Variants in CORO2A observed in about 807,000 individuals in gnomAD.
The protein encoded by CORO2A is coronin 2A.
In CORO2A, 47 loss-of-function variants were observed where a neutral mutation model predicts 62.4. That is an observed-to-expected ratio of 0.75 (90% CI 0.60 to 0.96). The LOEUF is 0.96. Ranked by LOEUF, CORO2A falls within the 40% of genes least tolerant of loss-of-function variation. The pLI is 0.00. For missense variants in CORO2A, 610 were observed against 684.1 expected (o/e 0.89, Z 1.21); for synonymous variants, 273 against 268.9 (o/e 1.02, Z -0.15).
At chr9:98,141,349 C>CT (rs138734683) in intron 2 of CORO2A, among the ~76,000 whole-genome samples, 1,105 of 103,790 alleles carry the variant, frequency 0.011, 7 homozygotes, top group African/African-American at 0.022. Context: ...ACCACTGACC[C>CT]TTTTTTTTTT....
chr9:98,131,668 C>G (rs1041039538), intron 6 of CORO2A, among the ~76,000 whole-genome samples: 1 of 152,114 alleles, frequency 6.6e-6, no homozygotes, highest in Non-Finnish European at 1.5e-5. Context: ...CTTCCCCTAC[C>G]TGTTTTTTAA....
Position 98,132,241 on chromosome 9 carries a change from G to T in CORO2A, c.709C>A (p.Leu237Met). ...KVLFLGNLKKLMSTGTSRWNN... is the reference protein window; with the variant it reads ...KVLFLGNLKKMMSTGTSRWNN... ...CATCGGGATGTGCCTGTGGACATCA[G>T]CTTCTTCAGGTTCCCCAGAAACAGC... is the stretch of plus-strand genomic sequence containing the variant. Residue 237 changes from leucine to methionine, a missense_variant, in exon 6 of 12, where the codon CTG becomes ATG. Physicochemically the swap from Leu to Met is conservative, Grantham distance 15. Transcript: ENST00000375077. 6.2e-7 allele frequency: 1 copy of T among 1,614,180 alleles called. No individual in the cohort carries two copies. The highest frequency in any genetic ancestry group is 8.5e-7 in the Non-Finnish European group (1 of 1,180,030).
intron 2 of CORO2A, among the ~76,000 whole-genome samples, chr9:98,152,690 A>G (rs1315248615): frequency 6.6e-6 from 1 of 152,230 alleles, no homozygotes; most frequent in Admixed American, 6.5e-5. Flanking sequence ...CATGTGTCCC[A>G]TGATGTAATG....
intron 1 of CORO2A, among the ~76,000 whole-genome samples, chr9:98,158,741 G>A (rs1827840244): frequency 6.6e-6 from 1 of 152,096 alleles, no homozygotes; most frequent in South Asian, 2.1e-4. Context: ...GCAGGATGAG[G>A]GAGAGCTGGG....
At chr9:98,128,288 G>A (rs150107665) in intron 9 of CORO2A, 28 bp from the exon 10 acceptor site, 385 of 1,574,198 alleles carry the variant, frequency 2.4e-4, no homozygotes, top group Non-Finnish European at 3.1e-4. Context: ...ACAGTGAGGA[G>A]GGTGGTAGGG....
chr9:98,126,355 C>T (rs1213755401), intron 11 of CORO2A, among the ~76,000 whole-genome samples, 194 bp downstream of exon 11: 2 of 152,018 alleles, frequency 1.3e-5, no homozygotes, highest in East Asian at 3.9e-4. Context: ...TTATGTATGC[C>T]CATCATTTTG....
chr9:98,192,481 C>CCGGCGGGG (rs11281388), intron 1 of CORO2A, 78 bp downstream of exon 1: 4 of 152,114 alleles, frequency 2.6e-5, no homozygotes, highest in African/African-American at 4.8e-5. Flanking sequence ...GGAGCTGCAG[C>CCGGCGGGG]CGCAGCGCGC....
At chr9:98,184,939 G>A (rs559878595) in intron 1 of CORO2A, among the ~76,000 whole-genome samples, 2 of 152,124 alleles carry the variant, frequency 1.3e-5, no homozygotes. Flanking sequence ...TTCATAAAGC[G>A]CCTCCTTACT....
In CORO2A at chr9:98,155,125, T is replaced by C. The variant is rs115339511; in HGVS notation, c.201+2335A>G. 7.0e-3 allele frequency among the ~76,000 whole-genome samples: 1,060 copies of C among 152,332 alleles called. 9 individuals carry two copies. The highest frequency in any genetic ancestry group is 0.023 in the African/African-American group (957 of 41,572). ...TTGACAATCTGATGTGTAGTGGTATTGCACTGGTTTACTAATGAGGTTGAG... is the reference window on the plus strand; with the variant it reads ...TTGACAATCTGATGTGTAGTGGTATCGCACTGGTTTACTAATGAGGTTGAG... On this transcript the variant is annotated intron_variant, in intron 2 of 11. Transcript: ENST00000375077.
At position 98,128,651 on chromosome 9, in the gene CORO2A, T is replaced by C; in HGVS notation, c.1036A>G (p.Thr346Ala). 1.9e-6 allele frequency: 3 copies of C among 1,614,174 alleles called. No homozygotes were observed. The highest frequency in any genetic ancestry group is 2.5e-6 in the Non-Finnish European group (3 of 1,180,024). ...GAGATGGGCTCGATGAGGCTTTTGGTTGTGATCAGCTTGTAGAAGCGGAAG... is the reference window on the plus strand; with the variant it reads ...GAGATGGGCTCGATGAGGCTTTTGGCTGTGATCAGCTTGTAGAAGCGGAAG... ...EIFRFYKLIT[T>A]KSLIEPISMI... The change falls in exon 9 of 12, where the codon ACC (threonine) becomes GCC (alanine). Residue 346 changes from threonine to alanine, a missense_variant. Thr to Ala is a moderately conservative substitution (Grantham distance 58). Transcript: ENST00000375077.
At chr9:98,187,829 T>C (rs1029235190) in intron 1 of CORO2A, among the ~76,000 whole-genome samples, 3 of 152,232 alleles carry the variant, frequency 2.0e-5, no homozygotes, top group Non-Finnish European at 4.4e-5. Context: ...TATTCAAATC[T>C]GGCCATGTTC....
intron 1 of CORO2A, among the ~76,000 whole-genome samples, chr9:98,158,792 CAT>C (rs1031833345): frequency 1.4e-4 from 22 of 151,856 alleles, no homozygotes; most frequent in Admixed American, 3.9e-4. Flanking sequence ...GGGGGAACCA[CAT>C]GTGGTTTAGT....
intron 4 of CORO2A, among the ~76,000 whole-genome samples, chr9:98,134,063 T>C (rs1404381817): frequency 6.6e-6 from 1 of 152,148 alleles, no homozygotes; most frequent in Admixed American, 6.5e-5. Flanking sequence ...CCCACCTCCC[T>C]TTTATCCAAC....
rs544002894 is a variant in CORO2A, at chr9:98,139,571, G to A, written c.202-1883C>T. ...GAACCCAGGAGGTGGAGGTTGCGGTGAGCTGAGATTGTGCCACTGCGTTCC... is the reference window on the plus strand; with the variant it reads ...GAACCCAGGAGGTGGAGGTTGCGGTAAGCTGAGATTGTGCCACTGCGTTCC... On this transcript the variant is annotated intron_variant, in intron 2 of 11. Coordinates refer to ENST00000375077, the MANE Select transcript of CORO2A (RefSeq NM_052820.4). Among the ~76,000 whole-genome samples, 25 of 152,296 alleles carry A rather than the reference G, an allele frequency of 1.6e-4. No individual in the cohort carries two copies. The South Asian group carries it at 4.8e-3, about 29-fold the overall frequency.
intron 1 of CORO2A, among the ~76,000 whole-genome samples, chr9:98,185,803 G>C (rs6478592): frequency 1.3e-5 from 2 of 152,104 alleles, no homozygotes; most frequent in Non-Finnish European, 2.9e-5. Context: ...TGGGCCAGGA[G>C]AGACCCTGGC....
At chr9:98,132,128 G>A in intron 6 of CORO2A, 57 bp downstream of exon 6, 1 of 1,285,364 alleles carries the variant, frequency 7.8e-7, no homozygotes, top group Non-Finnish European at 1.1e-6. Context: ...ATGCATGAAT[G>A]AATGACACTG....
intron 11 of CORO2A, among the ~76,000 whole-genome samples, chr9:98,125,379 T>C (rs1564198260): frequency 6.6e-6 from 1 of 152,198 alleles, no homozygotes; most frequent in Non-Finnish European, 1.5e-5. Flanking sequence ...GCAGTGCTAG[T>C]GTCCCCACCG....
At chr9:98,161,678 C>T (rs1219355553) in intron 1 of CORO2A, among the ~76,000 whole-genome samples, 1 of 152,030 alleles carries the variant, frequency 6.6e-6, no homozygotes, top group African/African-American at 2.4e-5. Flanking sequence ...CAATGGTCAC[C>T]CGGGCTGGAG....
At chr9:98,164,839 T>TGCCTCGGATTGTGGAGGGGTTCCA (rs1827936927) in intron 1 of CORO2A, among the ~76,000 whole-genome samples, 2 of 152,228 alleles carry the variant, frequency 1.3e-5, no homozygotes, top group African/African-American at 4.8e-5. Context: ...TGTCTTGGTT[T>TGCCTCGGATTGTGGAGGGGTTCCA]GCCTCGGATT....
Sources: allele counts gnomAD v4.1 joint callset (sites outside exome capture counted in the v4.1 genomes callset), GRCh38; gene constraint gnomAD v4.1.1; transcripts MANE v1.5; gene names NCBI Gene and HGNC (gene_info 2026-07-23, HGNC 2026-07-21).